The following ANO6 variants were observed in gnomAD, a reference collection of about 807,000 sequenced individuals.
ANO6 encodes the protein anoctamin 6.
A neutral mutation model predicts 117.5 loss-of-function variants in ANO6; 106 were observed. The ratio of observed to expected loss-of-function variants is 0.90; its 90% CI spans 0.77 to 1.06. ANO6 has a LOEUF of 1.06. Among genes scored for constraint, ANO6 ranks in the 50% least tolerant of loss-of-function variants. The pLI is 0.00. For missense variants in ANO6, 955 were observed against 1,121.1 expected (o/e 0.85, Z 2.12); for synonymous variants, 367 against 385.1 (o/e 0.95, Z 0.55).
intron 7 of ANO6, among the ~76,000 whole-genome samples, chr12:45,352,743 A>G (rs79015783): frequency 6.6e-6 from 1 of 151,582 alleles, no homozygotes; most frequent in Admixed American, 6.6e-5. Context: ...AAAAAAAAAA[A>G]TTATTTAATA....
chr12:45,382,404 A>G (rs186414827), intron 10 of ANO6, among the ~76,000 whole-genome samples: 516 of 152,322 alleles, frequency 3.4e-3, no homozygotes, highest in Middle Eastern at 0.01. Flanking sequence ...GCTTAGTCAC[A>G]ACATACTTTA....
chr12:45,403,121 G>A lies in ANO6; in HGVS notation c.1662G>A (p.Met554Ile), dbSNP rs148747682. 1.0e-4 allele frequency: 166 copies of A among 1,613,852 alleles called. No individual in the cohort carries two copies. Among genetic ancestry groups the A allele is most frequent in the Non-Finnish European group, 1.2e-4 (141 of 1,179,944 alleles). Residue 554 changes from methionine to isoleucine, a missense_variant, in exon 14 of 20, where the codon ATG (methionine) becomes ATA (isoleucine). Physicochemically the swap from Met to Ile is conservative, Grantham distance 10. Coordinates refer to ENST00000320560, the MANE Select transcript of ANO6 (RefSeq NM_001025356.3). ...ATGAGAACAGCCTCACCATGAAGAT[G>A]TTCTTATTCCAGTTTGTCAACTACT... ...TDYENSLTMK[M>I]FLFQFVNYYS...
At chr12:45,412,142 AGT>A (rs1481305432) in intron 16 of ANO6, among the ~76,000 whole-genome samples, 5 of 152,206 alleles carry the variant, frequency 3.3e-5, no homozygotes, top group Non-Finnish European at 7.3e-5. Context: ...CTTCTCTAAG[AGT>A]GTTCCTGACT....
rs910716373 is a variant in ANO6, at chr12:45,439,773, C to T, written c.2625C>T (p.Val875=). 1.7e-5 allele frequency: 27 copies of T among 1,548,460 alleles called. No homozygotes were observed. The Admixed American group carries it at 2.2e-4, about 13-fold the overall frequency. Residue 875 remains valine, a synonymous_variant, in exon 20 of 20, where the codon GTC becomes GTT. Transcript: ENST00000425752. ...ACTGCTGTATGTGTTATAGGTTTGT[C>T]GATGAAATTAGACTTTTGGAACAAC...
rs187913713 is a variant in ANO6 at position 45,373,235 on chromosome 12, G to T, written c.1105-4818G>T. On this transcript the variant is annotated intron_variant, in intron 9 of 19. Coordinates refer to ENST00000320560, the MANE Select transcript of ANO6 (RefSeq NM_001025356.3). ...GCAAGTCCTGAGTGACCTACAAAGAGACTTAGACACCCACACATTAATAAT... is the reference window on the plus strand; with the variant it reads ...GCAAGTCCTGAGTGACCTACAAAGATACTTAGACACCCACACATTAATAAT... Among the ~76,000 whole-genome samples, 243 of 152,260 alleles carry T rather than the reference G, an allele frequency of 1.6e-3. 1 individual carries two copies. Among genetic ancestry groups the T allele is most frequent in the African/African-American group, 5.6e-3 (233 of 41,538 alleles).
At position 45,392,602 on chromosome 12, in the gene ANO6, C is replaced by T. The variant is rs114788261; in HGVS notation, c.1386+2104C>T. On this transcript the variant is annotated intron_variant, in intron 12 of 19. Coordinates refer to ENST00000320560, the MANE Select transcript of ANO6 (RefSeq NM_001025356.3). Reference sequence around the variant, plus strand: ...CTGGGAAACACCTACCACTGGGGGCCGACAGACACCTCATATAGGGTGCTA... The same window carrying T: ...CTGGGAAACACCTACCACTGGGGGCTGACAGACACCTCATATAGGGTGCTA... Among the ~76,000 whole-genome samples, 1,063 of 152,206 alleles carry T rather than the reference C, an allele frequency of 7.0e-3. 15 individuals are homozygous for T. The highest frequency in any genetic ancestry group is 0.025 in the African/African-American group (1,022 of 41,522).
chr12:45,300,392 T>C (rs928679444), intron 1 of ANO6, among the ~76,000 whole-genome samples: 2 of 152,214 alleles, frequency 1.3e-5, no homozygotes. Flanking sequence ...TTTCCCAGGC[T>C]GGTCTCAAAC....
chr12:45,415,413 TTCCAACA>T (rs1258846548), intron 16 of ANO6, among the ~76,000 whole-genome samples: 13 of 152,234 alleles, frequency 8.5e-5, no homozygotes, highest in Non-Finnish European at 1.5e-4. Flanking sequence ...GGAGCCCTCA[TTCCAACA>T]TGGCAACTAT....
At chr12:45,411,857 C>T (rs57455310) in intron 16 of ANO6, among the ~76,000 whole-genome samples, 3,044 of 152,288 alleles carry the variant, frequency 0.02, 44 homozygotes, top group East Asian at 0.038. Flanking sequence ...TCTGTGCCTG[C>T]CTCTCTCCCC....
At chr12:45,366,465 G>C (rs1941688793) in intron 8 of ANO6, among the ~76,000 whole-genome samples, 1 of 152,024 alleles carries the variant, frequency 6.6e-6, no homozygotes, top group Admixed American at 6.5e-5. Context: ...TGGATATCCT[G>C]TTGTACCAGA....
At chr12:45,390,606 G>A (rs1942422122) in intron 12 of ANO6, 108 bp downstream of exon 12, 3 of 982,718 alleles carry the variant, frequency 3.1e-6, no homozygotes, top group Middle Eastern at 3.1e-4. Context: ...GCTGAGCCTG[G>A]AAACTATATG....
intron 1 of ANO6, among the ~76,000 whole-genome samples, chr12:45,266,496 A>T (rs944815276): frequency 1.3e-5 from 2 of 152,072 alleles, no homozygotes; most frequent in African/African-American, 2.4e-5. Context: ...GTCTTTTTTT[A>T]AAAAATTGAA....
At chr12:45,352,663 T>G (rs1396701654) in intron 7 of ANO6, among the ~76,000 whole-genome samples, 1 of 150,502 alleles carries the variant, frequency 6.6e-6, no homozygotes, top group Non-Finnish European at 1.5e-5. Flanking sequence ...TCCAGGAGTT[T>G]GAGGCTGCAG....
rs1394409992 is a variant in ANO6, at chr12:45,421,080, A to G, written c.2227A>G (p.Ile743Val). 16 of 1,614,070 alleles carry G rather than the reference A, an allele frequency of 9.9e-6. No homozygotes were observed. Among genetic ancestry groups the G allele is most frequent in the Non-Finnish European group, 1.2e-5 (14 of 1,180,030 alleles). The change falls in exon 18 of 20, where the codon ATA (isoleucine) becomes GTA (valine). Residue 743 changes from isoleucine to valine, a missense_variant. By Grantham distance (29) the Ile-to-Val change is conservative (BLOSUM62 3). Coordinates refer to ENST00000320560, the MANE Select transcript of ANO6 (RefSeq NM_001025356.3). ...ILAVVTNAMI[I>V]AFTSDMIPRL... is the part of the protein sequence containing the mutation. The stretch of plus-strand genomic sequence containing the variant: ...TTTTCTCCCAAAATAGGCCATGATC[A>G]TAGCTTTCACGTCGGACATGATCCC...
chr12:45,252,710 T>A (rs1446194517), intron 1 of ANO6, among the ~76,000 whole-genome samples: 1 of 152,204 alleles, frequency 6.6e-6, no homozygotes, highest in Non-Finnish European at 1.5e-5. Flanking sequence ...CACATTTTTC[T>A]AAGGCTCAAA....
chr12:45,426,404 G>C (rs1943503588), intron 19 of ANO6, among the ~76,000 whole-genome samples: 1 of 151,988 alleles, frequency 6.6e-6, no homozygotes. Context: ...TACCTCACCA[G>C]TCCTGCTTCA....
intron 6 of ANO6, among the ~76,000 whole-genome samples, chr12:45,350,417 A>G (rs996087610): frequency 9.9e-5 from 15 of 152,172 alleles, no homozygotes; most frequent in Non-Finnish European, 1.5e-5. Flanking sequence ...GAGTCCCTGC[A>G]GTGCTCCCCA....
At chr12:45,353,416 T>C (rs1207741044) in intron 7 of ANO6, among the ~76,000 whole-genome samples, 1 of 152,234 alleles carries the variant, frequency 6.6e-6, no homozygotes, top group African/African-American at 2.4e-5. Flanking sequence ...GTTAAACCAA[T>C]AGCATCTGAT....
chr12:45,257,047 A>T (rs1356587282), intron 1 of ANO6, among the ~76,000 whole-genome samples: 3 of 143,034 alleles, frequency 2.1e-5, no homozygotes, highest in East Asian at 2.0e-4. Flanking sequence ...CCTTTGAATT[A>T]AAAAAAAAAA....
Sources: allele counts gnomAD v4.1 joint callset (sites outside exome capture counted in the v4.1 genomes callset), GRCh38; gene constraint gnomAD v4.1.1; transcripts MANE v1.5; gene names NCBI Gene and HGNC (gene_info 2026-07-23, HGNC 2026-07-21).